The following ARHGAP23 variants were observed in gnomAD, a reference collection of about 807,000 sequenced individuals.
The protein encoded by ARHGAP23 is rho GTPase-activating protein 23.
In ARHGAP23, 34 loss-of-function variants were observed where a neutral mutation model predicts 136.3. The ratio of observed to expected loss-of-function variants is 0.25; its 90% confidence interval spans 0.19 to 0.33. The LOEUF (loss-of-function observed/expected upper bound fraction) is 0.33. Ranked by LOEUF, ARHGAP23 falls within the 10% of genes least tolerant of loss-of-function variation. ARHGAP23 has a pLI of 1.00. For synonymous variants in ARHGAP23, 832 were observed against 920.5 expected, an observed-to-expected ratio of 0.90 and a Z score of 1.74; for missense variants, 1,808 against 2,139.0, an observed-to-expected ratio of 0.85 and a Z score of 3.05.
In ARHGAP23 at chr17:38,510,750, C is replaced by CTTCAACGAT; in HGVS notation, c.4262_4263insTTTCAACGA (p.Asn1420_Glu1421insAspPheAsn). The CTTCAACGAT allele has an allele frequency of 6.7e-7, 1 of 1,486,568 alleles. No homozygotes were observed. The highest frequency in any genetic ancestry group is 8.9e-7 in the Non-Finnish European group (1 of 1,121,248). 92.1% of individuals were successfully genotyped at this position (1,486,568 alleles called of 1,614,324 possible). On this transcript the variant is annotated inframe_insertion, in exon 24 of 24. Coordinates refer to ENST00000622683, the MANE Select transcript of ARHGAP23 (RefSeq NM_001199417.2). The surrounding 1 kb of genome is among the most constrained non-coding windows in gnomAD (Gnocchi z 4.6). Reference sequence around the variant, plus strand: ...TGCAGAGCCCGCTGACTGACCTCAACTTCAACGAGTGGAAGGAGCTGGGCG... The same window carrying CTTCAACGAT: ...TGCAGAGCCCGCTGACTGACCTCAACTTCAACGATTTCAACGAGTGGAAGGAGCTGGGCG...
chr17:38,446,506 A>G (rs909982958), intron 1 of ARHGAP23, among the ~76,000 whole-genome samples: 19 of 152,096 alleles, frequency 1.2e-4, no homozygotes, highest in African/African-American at 3.6e-4. Context: ...TAACACTGCT[A>G]CAAACATGGG....
chr17:38,469,356 G>T (rs1179411941), intron 8 of ARHGAP23, 57 bp downstream of exon 8: 1 of 1,506,838 alleles, frequency 6.6e-7, no homozygotes, highest in East Asian at 2.5e-5. Flanking sequence ...AGTCCCAGGG[G>T]TCTCTGTTGG....
At chr17:38,502,293 GAGACTCCGTCTCAAA>G (rs758063306) in intron 23 of ARHGAP23, among the ~76,000 whole-genome samples, 42 of 152,168 alleles carry the variant, frequency 2.8e-4, no homozygotes, top group Non-Finnish European at 5.0e-4. Context: ...GCGACAGAGC[GAGACTCCGTCTCAAA>G]AAAAAGAAAG....
At chr17:38,436,868 G>A (rs938606237) in intron 1 of ARHGAP23, among the ~76,000 whole-genome samples, 1 of 152,182 alleles carries the variant, frequency 6.6e-6, no homozygotes, top group African/African-American at 2.4e-5. Flanking sequence ...TCACAAAGGC[G>A]ATAACGGGAG....
At chr17:38,424,247 C>T (rs1567766032), upstream of ARHGAP23, among the ~76,000 whole-genome samples, 1 of 152,128 alleles carries the variant, frequency 6.6e-6, no homozygotes, top group African/African-American at 2.4e-5. Context: ...CCTTGCGTCC[C>T]CTCCGGCTGT....
chr17:38,461,071 G>A, intron 3 of ARHGAP23, 139 bp downstream of exon 3: 1 of 1,455,116 alleles, frequency 6.9e-7, no homozygotes, highest in Non-Finnish European at 9.1e-7. Context: ...GCTCCTGTCT[G>A]TGCCCCTGGT....
chr17:38,439,889 C>A (rs535833387), intron 1 of ARHGAP23, among the ~76,000 whole-genome samples: 2 of 151,366 alleles, frequency 1.3e-5, no homozygotes, highest in Admixed American at 1.3e-4. Flanking sequence ...ATTCTCCTGC[C>A]CGGCTAATTT....
chr17:38,508,077 C>T (rs2040674145), intron 23 of ARHGAP23, among the ~76,000 whole-genome samples: 1 of 152,238 alleles, frequency 6.6e-6, no homozygotes, highest in Non-Finnish European at 1.5e-5. Context: ...TATTGAGCAC[C>T]TGTTATGTGC....
chr17:38,481,995 A>G (rs2144719270), intron 14 of ARHGAP23, 27 bp from the exon 15 acceptor site: 1 of 1,498,580 alleles, frequency 6.7e-7, no homozygotes, highest in East Asian at 2.6e-5. Flanking sequence ...ACCCCAGCTC[A>G]CTCTGGCTCT....
chr17:38,431,789 G>T (rs768046881), intron 1 of ARHGAP23, among the ~76,000 whole-genome samples: 9 of 152,196 alleles, frequency 5.9e-5, no homozygotes, highest in Non-Finnish European at 1.2e-4. Flanking sequence ...GAGTGCCCAA[G>T]GTCCCTCAGC....
intron 20 of ARHGAP23, among the ~76,000 whole-genome samples, chr17:38,492,960 G>A (rs1326884717): frequency 1.3e-5 from 2 of 152,234 alleles, no homozygotes; most frequent in Non-Finnish European, 2.9e-5. Flanking sequence ...CCCAAGGTCT[G>A]AGGTCAGCTG....
intron 23 of ARHGAP23, among the ~76,000 whole-genome samples, chr17:38,507,676 C>T (rs2040664987): frequency 6.6e-6 from 1 of 152,224 alleles, no homozygotes; most frequent in East Asian, 1.9e-4. Context: ...GAAAGCAGTA[C>T]TGGCCACCAT....
chr17:38,476,603 C>T (rs1408782393), intron 11 of ARHGAP23, among the ~76,000 whole-genome samples: 1 of 152,092 alleles, frequency 6.6e-6, no homozygotes, highest in African/African-American at 2.4e-5. Context: ...TGGCCATCAG[C>T]AGATGGACCT....
At chr17:38,440,018 G>A (rs528919331) in intron 1 of ARHGAP23, among the ~76,000 whole-genome samples, 147 of 143,748 alleles carry the variant, frequency 1.0e-3, no homozygotes, top group African/African-American at 3.7e-3. Flanking sequence ...TTGAGCTACC[G>A]AGCCCAGTCG....
At chr17:38,456,605 G>A (rs1038519805) in intron 1 of ARHGAP23, among the ~76,000 whole-genome samples, 3 of 152,158 alleles carry the variant, frequency 2.0e-5, no homozygotes, top group Non-Finnish European at 4.4e-5. Flanking sequence ...GCCACATGAT[G>A]TTATGGATTT....
intron 3 of ARHGAP23, 100 bp downstream of exon 3, chr17:38,461,032 C>A: frequency 6.8e-7 from 1 of 1,481,406 alleles, no homozygotes. Flanking sequence ...TTTCTGTGCC[C>A]CCCTCCCTTG....
intron 23 of ARHGAP23, among the ~76,000 whole-genome samples, chr17:38,503,433 C>T (rs988910200): frequency 9.8e-5 from 15 of 152,314 alleles, no homozygotes; most frequent in South Asian, 2.1e-4. Context: ...ATGGGCAGGC[C>T]GAGGCCTCTG....
chr17:38,464,597 G>T (rs987793644), intron 6 of ARHGAP23, among the ~76,000 whole-genome samples: 33 of 152,224 alleles, frequency 2.2e-4, no homozygotes, highest in Admixed American at 9.8e-4. Flanking sequence ...AGGAGGGGGG[G>T]ATCTGAGGTG....
intron 1 of ARHGAP23, among the ~76,000 whole-genome samples, chr17:38,456,483 A>T (rs2039328579): frequency 6.6e-6 from 1 of 152,186 alleles, no homozygotes; most frequent in Non-Finnish European, 1.5e-5. Flanking sequence ...TTCTCCTGTC[A>T]GCTGATGCTT....
Sources: gnomAD v4.1 joint callset for allele counts (sites outside exome capture counted in the v4.1 genomes callset) on GRCh38, gnomAD v4.1.1 for gene constraint, Gnocchi (gnomAD v3.1) non-coding constraint, MANE v1.5 for transcripts, NCBI Gene and HGNC (gene_info 2026-07-23, HGNC 2026-07-21) for gene names.